SIPA1L1: variants seen among roughly 807,000 people sequenced by gnomAD.
The protein encoded by SIPA1L1 is signal-induced proliferation-associated 1-like protein 1.
A neutral mutation model predicts 162.7 loss-of-function variants in SIPA1L1; 26 were observed. That is an observed-to-expected ratio of 0.16 (90% confidence interval 0.12 to 0.22). The LOEUF (loss-of-function observed/expected upper bound fraction) is 0.22. Among genes scored for constraint, SIPA1L1 ranks in the 10% least tolerant of loss-of-function variants. The probability of loss-of-function intolerance (pLI) is 1.00; values close to 1 mark genes in which losing one functional copy is unlikely to be tolerated. For synonymous variants in SIPA1L1, 829 were observed against 837.4 expected, an observed-to-expected ratio of 0.99 and a Z score of 0.17; for missense variants, 1,874 against 2,241.0, an observed-to-expected ratio of 0.84 and a Z score of 3.31.
chr14:71,530,676 A>G (rs2053354770), intron 4 of SIPA1L1, among the ~76,000 whole-genome samples: 1 of 152,234 alleles, frequency 6.6e-6, no homozygotes, highest in African/African-American at 2.4e-5. Flanking sequence ...TACCAATTCC[A>G]TTGAACATTA....
intron 7 of SIPA1L1, among the ~76,000 whole-genome samples, chr14:71,625,085 T>A (rs916932210): frequency 9.2e-5 from 14 of 151,962 alleles, no homozygotes; most frequent in Admixed American, 6.6e-5. Flanking sequence ...AGTTTATTTA[T>A]TTTTTTTCCC....
chr14:71,598,901 TTTA>T (rs1567280920), intron 5 of SIPA1L1, among the ~76,000 whole-genome samples: 1 of 151,848 alleles, frequency 6.6e-6, no homozygotes, highest in Non-Finnish European at 1.5e-5. Context: ...CATTAGAACT[TTTA>T]TTGTCTAACT....
Position 71,671,521 on chromosome 14 carries a change from G to C in SIPA1L1, c.2658G>C (p.Val886=), listed in dbSNP as rs769302110. The C allele has an allele frequency of 3.7e-6, 6 of 1,614,190 alleles. No individual in the cohort carries two copies. In the South Asian group the frequency reaches 6.6e-5, roughly 18 times the overall value. ...TAGGGATCTCCAATGAGTTCATTGTGCTCATTGAACAGGAAACAAAGAGCG... is the reference window on the plus strand; with the variant it reads ...TAGGGATCTCCAATGAGTTCATTGTCCTCATTGAACAGGAAACAAAGAGCG... ...CLLGISNEFI[V]LIEQETKSVV... Residue 886 remains valine (V), a synonymous_variant, in exon 11 of 24, where the codon GTG becomes GTC. Coordinates refer to ENST00000381232, the MANE Select transcript of SIPA1L1 (RefSeq NM_001386936.1).
chr14:71,534,710 A>C (rs566130035), intron 4 of SIPA1L1, among the ~76,000 whole-genome samples: 2 of 152,160 alleles, frequency 1.3e-5, no homozygotes, highest in South Asian at 4.1e-4. Flanking sequence ...TTTCTATCTG[A>C]ATATTTGGCT....
At chr14:71,454,930 T>C (rs1219967916) in intron 2 of SIPA1L1, among the ~76,000 whole-genome samples, 3 of 152,190 alleles carry the variant, frequency 2.0e-5, no homozygotes, top group Non-Finnish European at 4.4e-5. Flanking sequence ...GGACACCTGA[T>C]GTCACAGGTT....
intron 2 of SIPA1L1, among the ~76,000 whole-genome samples, chr14:71,379,301 C>CTT (rs778659338): frequency 1.5e-4 from 22 of 142,552 alleles, no homozygotes; most frequent in Admixed American, 4.2e-4. Flanking sequence ...TTCTTTCTTT[C>CTT]TTTTTTTTTT....
chr14:71,329,185 T>C (rs901803749), intron 2 of SIPA1L1, among the ~76,000 whole-genome samples: 3 of 152,230 alleles, frequency 2.0e-5, no homozygotes, highest in African/African-American at 7.2e-5. Context: ...TGGATAGATA[T>C]TTGGCAGTTG....
chr14:71,386,329 A>G (rs1448954551), intron 2 of SIPA1L1, among the ~76,000 whole-genome samples: 1 of 152,172 alleles, frequency 6.6e-6, no homozygotes, highest in Non-Finnish European at 1.5e-5. Flanking sequence ...CAGCCAGTCT[A>G]GTTTCTTCAC....
chr14:71,538,481 A>G (rs1228238610), intron 4 of SIPA1L1, among the ~76,000 whole-genome samples: 1 of 152,154 alleles, frequency 6.6e-6, no homozygotes, highest in Non-Finnish European at 1.5e-5. Flanking sequence ...AGTCTGGCAG[A>G]TTGGGATCTG....
chr14:71,345,539 T>G (rs2036068130), intron 2 of SIPA1L1, among the ~76,000 whole-genome samples: 2 of 152,154 alleles, frequency 1.3e-5, no homozygotes, highest in South Asian at 2.1e-4. Context: ...AGGCCAGGAC[T>G]ATGTCTTTGC....
At position 71,346,919 on chromosome 14, in the gene SIPA1L1, G is replaced by C. The variant is rs963520382; in HGVS notation, c.-465+25738G>C. On this transcript the variant is annotated intron_variant, in intron 2 of 23. Coordinates refer to ENST00000381232, the MANE Select transcript of SIPA1L1 (RefSeq NM_001386936.1). ...ACTTTCGGTCTCTATTGATTTGTCT[G>C]TTCTGGATGTTTCATGTAAATTTAA... 1.8e-4 allele frequency among the ~76,000 whole-genome samples: 27 copies of C among 150,820 alleles called. 1 individual carries two copies. Among genetic ancestry groups the C allele is most frequent in the African/African-American group, 3.7e-4 (15 of 41,044 alleles).
intron 3 of SIPA1L1, among the ~76,000 whole-genome samples, chr14:71,520,608 A>C (rs1391355021): frequency 6.6e-6 from 1 of 152,192 alleles, no homozygotes; most frequent in Non-Finnish European, 1.5e-5. Context: ...TGTAAACGGA[A>C]TTAGGTAGTG....
At chr14:71,442,360 C>T (rs1019154525) in intron 2 of SIPA1L1, among the ~76,000 whole-genome samples, 8 of 151,778 alleles carry the variant, frequency 5.3e-5, no homozygotes, top group Non-Finnish European at 1.0e-4. Flanking sequence ...ATTCAAAGCC[C>T]AGAGTATAGA....
intron 5 of SIPA1L1, among the ~76,000 whole-genome samples, chr14:71,606,282 G>A (rs960499805): frequency 1.2e-4 from 18 of 152,140 alleles, no homozygotes; most frequent in African/African-American, 4.1e-4. Context: ...AAGTCTGTCT[G>A]GGCATGTGAA....
chr14:71,731,238 T>C (rs2084743033), intron 20 of SIPA1L1, among the ~76,000 whole-genome samples: 1 of 152,222 alleles, frequency 6.6e-6, no homozygotes. Context: ...CGCTCATGAA[T>C]GTTCCTCCAT....
intron 2 of SIPA1L1, among the ~76,000 whole-genome samples, chr14:71,396,166 G>T (rs1024952804): frequency 3.9e-5 from 6 of 152,024 alleles, no homozygotes; most frequent in Admixed American, 3.9e-4. Context: ...ATCCATTTAT[G>T]CATGCATCTA....
At chr14:71,448,585 G>T (rs920755325) in intron 2 of SIPA1L1, 1 of 152,212 alleles carries the variant, frequency 6.6e-6, no homozygotes, top group African/African-American at 2.4e-5. Context: ...GAAATAAGTG[G>T]AATTGGGGAA....
At chr14:71,620,417 T>C (rs2039310506) in intron 6 of SIPA1L1, among the ~76,000 whole-genome samples, 1 of 152,222 alleles carries the variant, frequency 6.6e-6, no homozygotes, top group South Asian at 2.1e-4. Context: ...TCCAAGTATT[T>C]TTGTCTTTCG....
chr14:71,596,072 G>A (rs1314514552), intron 5 of SIPA1L1, among the ~76,000 whole-genome samples: 1 of 152,168 alleles, frequency 6.6e-6, no homozygotes, highest in Non-Finnish European at 1.5e-5. Flanking sequence ...GACTGCAAGT[G>A]GTTAGGGGCT....
Sources: allele counts gnomAD v4.1 joint callset (sites outside exome capture counted in the v4.1 genomes callset), GRCh38; gene constraint gnomAD v4.1.1; transcripts MANE v1.5; gene names NCBI Gene and HGNC (gene_info 2026-07-23, HGNC 2026-07-21).